The following GAB1 variants were observed in gnomAD, a reference collection of about 807,000 sequenced individuals.
GAB1 encodes the protein GRB2 associated binding protein 1, also known as GRB2-associated-binding protein 1.
In GAB1, 19 loss-of-function variants were observed where a neutral mutation model predicts 66.5. The ratio of observed to expected loss-of-function variants is 0.29; its 90% CI spans 0.20 to 0.42. The LOEUF is 0.42. GAB1 is among the 10% of genes least tolerant of loss of function. The pLI is 1.00. For synonymous variants in GAB1, 294 were observed against 301.4 expected (o/e 0.98, Z 0.25); for missense variants, 732 against 858.5 (o/e 0.85, Z 1.84).
chr4:143,469,372 T>C lies in GAB1; in HGVS notation c.*183T>C. ...GTGGTGCTTTGTGGTATCTGAACAA[T>C]TCATAACATGTAAATAATGTGGGAA... On this transcript the variant is annotated 3_prime_UTR_variant, in exon 10 of 10. Coordinates refer to ENST00000262994, the MANE Select transcript of GAB1 (RefSeq NM_002039.4). 1.7e-6 allele frequency: 1 copy of C among 572,618 alleles called. No individual in the cohort carries two copies. Among genetic ancestry groups the C allele is most frequent in the Non-Finnish European group, 3.1e-6 (1 of 325,052 alleles). 35.5% of individuals were successfully genotyped at this position (572,618 alleles called of 1,614,324 possible). A position where few individuals can be genotyped will look rare whatever the true frequency, so the allele number is the denominator to read the frequency against.
chr4:143,455,588 C>T (rs552206424), intron 6 of GAB1, among the ~76,000 whole-genome samples: 1 of 152,228 alleles, frequency 6.6e-6, no homozygotes, highest in South Asian at 2.1e-4. Flanking sequence ...GAGCAGCAAA[C>T]CAAAAGAAGT....
intron 1 of GAB1, among the ~76,000 whole-genome samples, chr4:143,392,410 A>C (rs1731227895): frequency 6.6e-6 from 1 of 152,200 alleles, no homozygotes; most frequent in Admixed American, 6.5e-5. Context: ...CTACTTTCTG[A>C]TAGCGTTCAT....
intron 1 of GAB1, among the ~76,000 whole-genome samples, chr4:143,371,726 A>G (rs1412367983): frequency 2.0e-5 from 3 of 152,164 alleles, no homozygotes; most frequent in Non-Finnish European, 2.9e-5. Flanking sequence ...TAATTTTTGT[A>G]TAAGGTGTGA....
Position 143,433,686 on chromosome 4 carries a change from A to T in GAB1, c.563A>T (p.Asn188Ile). 3 of 1,613,964 alleles carry T rather than the reference A, an allele frequency of 1.9e-6. No individual in the cohort carries two copies. Among genetic ancestry groups the T allele is most frequent in the Non-Finnish European group, 2.5e-6 (3 of 1,179,890 alleles). Residue 188 changes from asparagine to isoleucine, a missense_variant, in exon 3 of 10, where the codon AAC (asparagine) becomes ATC (isoleucine). By Grantham distance (149) the Asn-to-Ile change is moderately radical. This residue lies in a region of GAB1 where 427 missense variants were observed against 420.6 expected (regional missense o/e 1.02). Coordinates refer to ENST00000262994, the MANE Select transcript of GAB1 (RefSeq NM_002039.4). Reference sequence around the variant, plus strand: ...CCTCAAGACTACCTGTTGCTCATCAACTGTCAAAGCAAGAAGCCCGAACCC... The same window carrying T: ...CCTCAAGACTACCTGTTGCTCATCATCTGTCAAAGCAAGAAGCCCGAACCC... Reference protein sequence around the residue: ...EDPQDYLLLINCQSKKPEPTR... With the variant: ...EDPQDYLLLIICQSKKPEPTR...
At chr4:143,417,737 C>T (rs920961082) in intron 2 of GAB1, among the ~76,000 whole-genome samples, 3 of 152,098 alleles carry the variant, frequency 2.0e-5, no homozygotes, top group Admixed American at 6.5e-5. Context: ...TGGCTGACCA[C>T]TTCTTCTCTC....
At chr4:143,350,142 T>C in intron 1 of GAB1, 1 of 873,162 alleles carries the variant, frequency 1.1e-6, no homozygotes, top group Non-Finnish European at 1.8e-6. Flanking sequence ...GAAAAGAAGC[T>C]GATTTTTAAA....
At chr4:143,413,245 G>T (rs922679325) in intron 1 of GAB1, among the ~76,000 whole-genome samples, 5 of 152,048 alleles carry the variant, frequency 3.3e-5, no homozygotes, top group African/African-American at 1.2e-4. Context: ...AAAGCTTACT[G>T]CTTGAGAGGG....
At chr4:143,408,318 T>A (rs1047392787) in intron 1 of GAB1, among the ~76,000 whole-genome samples, 38 of 152,184 alleles carry the variant, frequency 2.5e-4, no homozygotes, top group African/African-American at 7.7e-4. Flanking sequence ...ATGGAAACAT[T>A]TTGAAAAAAC....
At chr4:143,437,873 A>G (rs1037997701) in intron 3 of GAB1, 126 bp from the exon 4 acceptor site, 17 of 932,600 alleles carry the variant, frequency 1.8e-5, no homozygotes, top group Admixed American at 2.7e-5. Context: ...TTTAAATCCT[A>G]TGGATCACAC....
intron 6 of GAB1, among the ~76,000 whole-genome samples, chr4:143,447,735 A>G (rs975311231): frequency 6.6e-6 from 1 of 152,168 alleles, no homozygotes; most frequent in Non-Finnish European, 1.5e-5. Flanking sequence ...ATCTGCAAAC[A>G]GGGACAATTT....
At chr4:143,442,108 C>A (rs1199208043) in intron 6 of GAB1, among the ~76,000 whole-genome samples, 1 of 152,086 alleles carries the variant, frequency 6.6e-6, no homozygotes, top group Admixed American at 6.5e-5. Context: ...ATATAATATG[C>A]AAAAATATGT....
intron 6 of GAB1, among the ~76,000 whole-genome samples, chr4:143,446,645 G>T (rs1282407257): frequency 6.6e-6 from 1 of 151,648 alleles, no homozygotes; most frequent in African/African-American, 2.4e-5. Flanking sequence ...GGGGTTGTTT[G>T]CTTCTTTCTT....
chr4:143,400,968 C>CA (rs774015122), intron 1 of GAB1, among the ~76,000 whole-genome samples: 7,909 of 91,052 alleles, frequency 0.087, 228 homozygotes, highest in African/African-American at 0.1. Context: ...GACTCCATCA[C>CA]AAAAAAAAAA....
In GAB1 at chr4:143,438,042, T is replaced by G. The variant is rs150623289; in HGVS notation, c.637T>G (p.Cys213Gly). The change falls in exon 4 of 10, where the codon TGC becomes GGC. Residue 213 changes from cysteine (C) to glycine (G), a missense_variant. This residue lies in a region of GAB1 where 427 missense variants were observed against 420.6 expected (regional missense o/e 1.02). Coordinates refer to ENST00000262994, the MANE Select transcript of GAB1 (RefSeq NM_002039.4). ...AAAATCCACCTCTTCTGAAACAGAC[T>G]GCAATGATAACGTCCCTTCTCATAA... ...SAKSTSSETD[C>G]NDNVPSHKNP... 9.3e-6 allele frequency: 15 copies of G among 1,613,930 alleles called. No homozygotes were observed. Among genetic ancestry groups the G allele is most frequent in the African/African-American group, 5.3e-5 (4 of 74,916 alleles).
At chr4:143,348,104 T>C (rs1478490811) in intron 1 of GAB1, among the ~76,000 whole-genome samples, 3 of 152,208 alleles carry the variant, frequency 2.0e-5, no homozygotes, top group Admixed American at 6.5e-5. Flanking sequence ...AATCGTGAAC[T>C]CCTTTGAAAA....
At chr4:143,406,364 C>A (rs1732041718) in intron 1 of GAB1, among the ~76,000 whole-genome samples, 1 of 152,070 alleles carries the variant, frequency 6.6e-6, no homozygotes, top group Non-Finnish European at 1.5e-5. Flanking sequence ...TTCTTTATTG[C>A]ATTTTTTGCT....
chr4:143,440,144 A>G lies in GAB1; in HGVS notation c.1347A>G (p.Pro449=), dbSNP rs780650312. 3 of 1,614,204 alleles carry G rather than the reference A, an allele frequency of 1.9e-6. No individual in the cohort carries two copies. The highest frequency in any genetic ancestry group is 8.5e-7 in the Non-Finnish European group (1 of 1,180,022). Residue 449 remains proline, a synonymous_variant, in exon 6 of 10, where the codon CCA becomes CCG. Transcript: ENST00000262994. ...SSEELDENYV[P]MNPNSPPRQH... ...AAGAACTGGATGAAAATTACGTCCC[A>G]ATGAATCCCAATTCACCACCACGAC...
In GAB1 at chr4:143,337,027, C is replaced by G; in HGVS notation, c.-162C>G. 1 of 626,944 alleles carries G rather than the reference C, an allele frequency of 1.6e-6. No homozygotes were observed. The allele number at this position is 626,944 out of a possible 1,614,324, so 38.8% of individuals were successfully genotyped here. A position where few individuals can be genotyped will look rare whatever the true frequency, so the allele number is the denominator to read the frequency against. On this transcript the variant is annotated 5_prime_UTR_variant, in exon 1 of 10. Coordinates refer to ENST00000262994, the MANE Select transcript of GAB1 (RefSeq NM_002039.4). ...GGCCTGCAGAGGAGAGACTCGAACT[C>G]GTGGAACCCGCGCACCGTGGAGTCT...
intron 1 of GAB1, among the ~76,000 whole-genome samples, chr4:143,354,340 T>C (rs1729356534): frequency 6.6e-6 from 1 of 152,174 alleles, no homozygotes; most frequent in Non-Finnish European, 1.5e-5. Context: ...ATATACTGTT[T>C]AACATAGTGA....
Sources: allele counts gnomAD v4.1 joint callset (sites outside exome capture counted in the v4.1 genomes callset), GRCh38; gene constraint gnomAD v4.1.1; regional missense constraint gnomAD v4.1.1; transcripts MANE v1.5; gene names NCBI Gene and HGNC (gene_info 2026-07-23, HGNC 2026-07-21).